DOCK5: variants seen among roughly 807,000 people sequenced by gnomAD.
DOCK5 encodes the protein dedicator of cytokinesis 5.
In DOCK5, 142 loss-of-function variants were observed where a neutral mutation model predicts 251.8. The ratio of observed to expected loss-of-function variants is 0.56; its 90% CI spans 0.49 to 0.65. The LOEUF (loss-of-function observed/expected upper bound fraction) is 0.65. Among genes scored for constraint, DOCK5 ranks in the 30% least tolerant of loss-of-function variants. The pLI is 0.00. For missense variants in DOCK5, 2,111 were observed against 2,312.3 expected, an observed-to-expected ratio of 0.91 and a Z score of 1.79; for synonymous variants, 842 against 835.5, an observed-to-expected ratio of 1.01 and a Z score of -0.13.
At chr8:25,276,303 T>G (rs1222270434) in intron 4 of DOCK5, among the ~76,000 whole-genome samples, 1 of 152,196 alleles carries the variant, frequency 6.6e-6, no homozygotes, top group African/African-American at 2.4e-5. Flanking sequence ...AATGAGGTAA[T>G]GTATGCAAAT....
At chr8:25,331,154 T>C (rs1185247225) in intron 18 of DOCK5, among the ~76,000 whole-genome samples, 2 of 151,840 alleles carry the variant, frequency 1.3e-5, no homozygotes, top group African/African-American at 4.8e-5. Flanking sequence ...GATAGTGCTC[T>C]GAATAGAAAT....
At chr8:25,405,425 CTT>C (rs1009382628) in intron 48 of DOCK5, among the ~76,000 whole-genome samples, 4 of 151,738 alleles carry the variant, frequency 2.6e-5, no homozygotes, top group Non-Finnish European at 2.9e-5. Context: ...AACAAGTCAT[CTT>C]TTTGTTTTTT....
chr8:25,331,667 T>C (rs1456531722), intron 18 of DOCK5, among the ~76,000 whole-genome samples: 1 of 151,838 alleles, frequency 6.6e-6, no homozygotes, highest in Non-Finnish European at 1.5e-5. Flanking sequence ...GTAATAAAAT[T>C]CCATTTCTAC....
intron 13 of DOCK5, among the ~76,000 whole-genome samples, chr8:25,316,452 G>A: frequency 6.6e-6 from 1 of 152,200 alleles, no homozygotes; most frequent in East Asian, 1.9e-4. Flanking sequence ...CTGCACTCCA[G>A]CCTGGGCAAC....
chr8:25,395,633 C>T lies in DOCK5; in HGVS notation c.4618C>T (p.Arg1540Trp), dbSNP rs200783757. ...SNCVQQHAWD[R>W]SLSVHPLSML... ...CTGTGTTCAGCAGCATGCCTGGGAC[C>T]GGTCCCTCTCTGTGCACCCTCTCTC... is the stretch of plus-strand genomic sequence containing the variant. The change falls in exon 45 of 52, where the codon CGG becomes TGG. Residue 1540 changes from arginine (R) to tryptophan (W), a missense_variant. Coordinates refer to ENST00000276440, the MANE Select transcript of DOCK5 (RefSeq NM_024940.8). 3.4e-5 allele frequency: 55 copies of T among 1,613,534 alleles called. 1 individual carries two copies. In the African/African-American group the frequency reaches 4.4e-4, roughly 13 times the overall value.
chr8:25,279,710 C>T (rs1804139104), intron 5 of DOCK5, among the ~76,000 whole-genome samples: 1 of 152,086 alleles, frequency 6.6e-6, no homozygotes, highest in Non-Finnish European at 1.5e-5. Flanking sequence ...CTCCGCCTCC[C>T]AAGTTCAAGC....
intron 19 of DOCK5, 22 bp from the exon 20 acceptor site, chr8:25,332,581 T>G: frequency 1.3e-6 from 2 of 1,583,086 alleles, no homozygotes; most frequent in Non-Finnish European, 1.7e-6. Context: ...CAAAATAACC[T>G]CTCCGTTTTT....
At chr8:25,276,260 C>T (rs1804041604) in intron 4 of DOCK5, among the ~76,000 whole-genome samples, 1 of 152,028 alleles carries the variant, frequency 6.6e-6, no homozygotes, top group South Asian at 2.1e-4. Flanking sequence ...ACAATCTGAC[C>T]CTACTTTGAT....
Position 25,359,076 on chromosome 8 carries a change from C to T in DOCK5, c.2949+15C>T, listed in dbSNP as rs1208425555. 1 of 1,606,850 alleles carries T rather than the reference C, an allele frequency of 6.2e-7. No homozygotes were observed. Among genetic ancestry groups the T allele is most frequent in the South Asian group, 1.1e-5 (1 of 90,892 alleles). Reference sequence around the variant, plus strand: ...AAGACATCATCGTAAGTTGCCTTTACTGGTCCTGGTAACCTGAAGACTTCT... The same window carrying T: ...AAGACATCATCGTAAGTTGCCTTTATTGGTCCTGGTAACCTGAAGACTTCT... On this transcript the variant is annotated intron_variant, in intron 28 of 51. Coordinates refer to ENST00000276440, the MANE Select transcript of DOCK5 (RefSeq NM_024940.8).
intron 2 of DOCK5, among the ~76,000 whole-genome samples, chr8:25,256,433 G>T (rs1219147975): frequency 6.6e-6 from 1 of 152,020 alleles, no homozygotes; most frequent in Non-Finnish European, 1.5e-5. Flanking sequence ...GAGGTTAGGA[G>T]TTCAAGACCA....
At chr8:25,281,933 A>G (rs1188528188) in intron 5 of DOCK5, among the ~76,000 whole-genome samples, 3 of 149,914 alleles carry the variant, frequency 2.0e-5, no homozygotes, top group African/African-American at 7.3e-5. Context: ...AGGGCAGCAC[A>G]TTTCTCATTT....
chr8:25,403,413 A>C (rs2117339282), intron 47 of DOCK5, 145 bp from the exon 48 acceptor site: 1 of 785,004 alleles, frequency 1.3e-6, no homozygotes, highest in Non-Finnish European at 2.1e-6. Flanking sequence ...GAGGCAGCAC[A>C]GGCACCAACC....
chr8:25,257,133 AAAAG>A (rs1208433999), intron 2 of DOCK5, among the ~76,000 whole-genome samples: 1 of 152,116 alleles, frequency 6.6e-6, no homozygotes, highest in African/African-American at 2.4e-5. Context: ...AAATAAGTAA[AAAAG>A]AACTCCAAAT....
At chr8:25,202,474 C>T (rs1389142040) in intron 1 of DOCK5, among the ~76,000 whole-genome samples, 4 of 152,148 alleles carry the variant, frequency 2.6e-5, no homozygotes, top group South Asian at 2.1e-4. Flanking sequence ...AACAAACTAA[C>T]GGAAATGTTT....
At chr8:25,400,789 A>T in intron 46 of DOCK5, 140 bp from the exon 47 acceptor site, 1 of 870,740 alleles carries the variant, frequency 1.1e-6, no homozygotes, top group Non-Finnish European at 1.8e-6. Flanking sequence ...CACAAGTCCT[A>T]CACTGAGAAG....
chr8:25,336,497 A>C, intron 22 of DOCK5, 124 bp downstream of exon 22: 2 of 1,271,694 alleles, frequency 1.6e-6, no homozygotes, highest in Non-Finnish European at 2.2e-6. Flanking sequence ...CTTATTTCAG[A>C]ACTGCAGGGC....
rs1186409269 is a variant in DOCK5, at chr8:25,399,898, T to G, written c.4705-13T>G. The G allele has an allele frequency of 6.2e-7, 1 of 1,605,260 alleles. No individual in the cohort carries two copies. The highest frequency in any genetic ancestry group is 8.5e-7 in the Non-Finnish European group (1 of 1,174,682). On this transcript the variant is annotated splice_polypyrimidine_tract_variant and intron_variant, in intron 45 of 51. Transcript: ENST00000276440. ...ATGTGTTCTAATTAAAACTTGCATA[T>G]GCTTTTTTTTAGGCTTTTTTTACAG... is the stretch of plus-strand genomic sequence containing the variant.
chr8:25,227,331 A>AT (rs953568004), intron 1 of DOCK5, among the ~76,000 whole-genome samples: 2 of 148,086 alleles, frequency 1.4e-5, no homozygotes, highest in Admixed American at 6.8e-5. Context: ...TATTACTTGC[A>AT]TTTTTTTTGG....
At chr8:25,291,671 A>T (rs1804490663) in intron 5 of DOCK5, among the ~76,000 whole-genome samples, 1 of 123,546 alleles carries the variant, frequency 8.1e-6, no homozygotes, top group African/African-American at 3.0e-5. Context: ...CAACAGAGCA[A>T]GACTCCGTCT....
Sources: allele counts gnomAD v4.1 joint callset (sites outside exome capture counted in the v4.1 genomes callset), GRCh38; gene constraint gnomAD v4.1.1; transcripts MANE v1.5; gene names NCBI Gene and HGNC (gene_info 2026-07-23, HGNC 2026-07-21).